Variants in TCF12 observed in about 807,000 individuals in gnomAD.
The protein encoded by TCF12 is transcription factor 12, also known as DNA-binding protein HTF4.
TCF12 carries 45 observed loss-of-function variants against 86.0 expected under a neutral mutation model. The ratio of observed to expected loss-of-function variants is 0.52; its 90% confidence interval spans 0.41 to 0.67. The LOEUF is 0.67. Among genes scored for constraint, TCF12 ranks in the 30% least tolerant of loss-of-function variants. The pLI, the probability that TCF12 is intolerant of heterozygous loss-of-function variation, is 0.00. For synonymous variants in TCF12, 330 were observed against 299.6 expected, an observed-to-expected ratio of 1.10 and a Z score of -1.05; for missense variants, 881 against 859.9, an observed-to-expected ratio of 1.02 and a Z score of -0.31.
At position 57,120,065 on chromosome 15, in the gene TCF12, A is replaced by G. The variant is rs117147876; in HGVS notation, c.325+28174A>G. On this transcript the variant is annotated intron_variant, in intron 5 of 20. Coordinates refer to ENST00000333725, the MANE Select transcript of TCF12 (RefSeq NM_207037.2). Reference sequence around the variant, plus strand: ...CTTTCACATTATTCCCCCTAACTGAAATGCCCTTCATACATTTTTTTGCCT... The same window carrying G: ...CTTTCACATTATTCCCCCTAACTGAGATGCCCTTCATACATTTTTTTGCCT... Among the ~76,000 whole-genome samples the G allele has an allele frequency of 1.9e-3, 289 of 152,322 alleles. 2 individuals carry two copies. The highest frequency in any genetic ancestry group is 8.7e-3 in the East Asian group (45 of 5,190).
intron 5 of TCF12, chr15:57,092,166 A>G: frequency 6.5e-6 from 2 of 308,772 alleles, no homozygotes; most frequent in Non-Finnish European, 1.2e-5. Flanking sequence ...CTCAAGCATT[A>G]CATGTTTTCT....
chr15:57,237,985 C>A (rs915662710), intron 12 of TCF12, among the ~76,000 whole-genome samples: 1 of 152,084 alleles, frequency 6.6e-6, no homozygotes, highest in Non-Finnish European at 1.5e-5. Context: ...TTAAAAAGTC[C>A]TGTAACTTAC....
chr15:57,197,475 A>T (rs1392716712), intron 7 of TCF12, among the ~76,000 whole-genome samples: 4 of 152,106 alleles, frequency 2.6e-5, no homozygotes, highest in Admixed American at 2.0e-4. Context: ...TTCTTAAGAA[A>T]TGTTCATTCC....
chr15:57,033,931 C>T (rs1349993073), intron 3 of TCF12, among the ~76,000 whole-genome samples: 2 of 152,122 alleles, frequency 1.3e-5, no homozygotes, highest in Admixed American at 6.5e-5. Flanking sequence ...GCTGTTTGCT[C>T]TCTAAAAGAA....
intron 5 of TCF12, among the ~76,000 whole-genome samples, chr15:57,131,042 T>C (rs1436809372): frequency 6.6e-6 from 1 of 152,240 alleles, no homozygotes; most frequent in African/African-American, 2.4e-5. Flanking sequence ...TTCCATTTTC[T>C]GTTTTGCTTT....
chr15:57,166,688 A>T (rs546549524), intron 6 of TCF12, among the ~76,000 whole-genome samples: 2 of 152,342 alleles, frequency 1.3e-5, no homozygotes, highest in Non-Finnish European at 2.9e-5. Flanking sequence ...CTCCATTTTA[A>T]CTGGAAACAA....
intron 4 of TCF12, among the ~76,000 whole-genome samples, chr15:57,073,972 G>A (rs2069644983): frequency 6.6e-6 from 1 of 151,978 alleles, no homozygotes. Context: ...GGATGGTCTC[G>A]ATCTCCTGAC....
intron 3 of TCF12, among the ~76,000 whole-genome samples, chr15:57,020,854 A>G (rs2065436908): frequency 6.6e-6 from 1 of 152,128 alleles, no homozygotes; most frequent in Non-Finnish European, 1.5e-5. Flanking sequence ...TAAGAAACTG[A>G]GGGGGTATGG....
At chr15:56,943,835 A>G (rs1472859161) in intron 3 of TCF12, among the ~76,000 whole-genome samples, 3 of 152,192 alleles carry the variant, frequency 2.0e-5, no homozygotes, top group African/African-American at 7.2e-5. Flanking sequence ...CATACCCAAC[A>G]TTGTATTAGT....
intron 5 of TCF12, among the ~76,000 whole-genome samples, chr15:57,107,539 CA>C (rs1207083293): frequency 6.6e-6 from 1 of 151,880 alleles, no homozygotes; most frequent in African/African-American, 2.4e-5. Flanking sequence ...TATACAACAC[CA>C]AGAGTAAACC....
intron 3 of TCF12, among the ~76,000 whole-genome samples, chr15:56,978,217 G>A (rs578251245): frequency 1.3e-5 from 2 of 152,100 alleles, no homozygotes; most frequent in South Asian, 2.1e-4. Context: ...GTACTGTATC[G>A]AGTAGTAGTA....
intron 3 of TCF12, among the ~76,000 whole-genome samples, chr15:57,056,023 A>G (rs1224258791): frequency 6.6e-6 from 1 of 151,486 alleles, no homozygotes; most frequent in Non-Finnish European, 1.5e-5. Flanking sequence ...ATGATCTCTC[A>G]TCACGTTCAC....
chr15:57,159,035 C>CT (rs1363127190), intron 5 of TCF12, among the ~76,000 whole-genome samples: 1 of 152,140 alleles, frequency 6.6e-6, no homozygotes, highest in Non-Finnish European at 1.5e-5. Context: ...TTTTTAGATT[C>CT]TTTTTCTGTA....
chr15:56,955,057 A>G (rs1328756331), intron 3 of TCF12, among the ~76,000 whole-genome samples: 1 of 152,172 alleles, frequency 6.6e-6, no homozygotes, highest in Non-Finnish European at 1.5e-5. Context: ...CTGGGTATAT[A>G]CCCAAAGGAT....
In TCF12 at chr15:56,974,974, G is replaced by A. The variant is rs1004964081; in HGVS notation, c.148+53876G>A. Among the ~76,000 whole-genome samples, 2 of 152,176 alleles carry A rather than the reference G, an allele frequency of 1.3e-5. 1 individual carries two copies. The highest frequency in any genetic ancestry group is 3.9e-4 in the East Asian group (2 of 5,190). On this transcript the variant is annotated intron_variant, in intron 3 of 20. Transcript: ENST00000333725. ...TTTAATACATTTTAAAAAATCATTA[G>A]CCATGTGGCTCTTGAGTTTCGAATA...
At chr15:57,236,194 T>A (rs1157074594) in intron 12 of TCF12, among the ~76,000 whole-genome samples, 2 of 152,170 alleles carry the variant, frequency 1.3e-5, no homozygotes, top group Non-Finnish European at 2.9e-5. Flanking sequence ...AATCCCTTCC[T>A]TCAATCCATC....
downstream of TCF12, among the ~76,000 whole-genome samples, chr15:57,290,207 G>A (rs2152180413): frequency 6.6e-6 from 1 of 152,222 alleles, no homozygotes; most frequent in Admixed American, 6.5e-5. Context: ...GCCAGCTATG[G>A]TGGCAGGTGC....
At chr15:56,983,567 A>C in intron 3 of TCF12, among the ~76,000 whole-genome samples, 1 of 152,208 alleles carries the variant, frequency 6.6e-6, no homozygotes, top group Admixed American at 6.5e-5. Context: ...TCCTAGAGAG[A>C]TCTATTGCAG....
chr15:57,114,412 C>T (rs2050703508), intron 5 of TCF12, among the ~76,000 whole-genome samples: 1 of 152,080 alleles, frequency 6.6e-6, no homozygotes, highest in Admixed American at 6.6e-5. Flanking sequence ...CACCTCAGCC[C>T]CCCAAGTAGT....
Sources: allele counts gnomAD v4.1 joint callset (sites outside exome capture counted in the v4.1 genomes callset), GRCh38; gene constraint gnomAD v4.1.1; transcripts MANE v1.5; gene names NCBI Gene and HGNC (gene_info 2026-07-23, HGNC 2026-07-21).